The following BRINP1 variants were observed in gnomAD, a reference collection of about 807,000 sequenced individuals.
BRINP1 encodes BMP/retinoic acid inducible neural specific 1.
In BRINP1, 17 loss-of-function variants were observed where a neutral mutation model predicts 72.9. The observed-to-expected ratio is 0.23, with a 90% CI of 0.16 to 0.35. BRINP1 has a LOEUF of 0.35. Ranked by LOEUF, BRINP1 falls within the 10% of genes least tolerant of loss-of-function variation. BRINP1 has a pLI of 1.00. For missense variants in BRINP1, 850 were observed against 1,001.6 expected (o/e 0.85, Z 2.04); for synonymous variants, 418 against 378.5 (o/e 1.10, Z -1.21).
At chr9:119,172,699 T>C (rs1829430169) in intron 7 of BRINP1, among the ~76,000 whole-genome samples, 1 of 151,800 alleles carries the variant, frequency 6.6e-6, no homozygotes, top group Admixed American at 6.6e-5. Context: ...TTTAGACCAA[T>C]ATCCTTGATG....
intron 7 of BRINP1, among the ~76,000 whole-genome samples, chr9:119,202,976 T>C (rs556512237): frequency 6.6e-6 from 1 of 152,296 alleles, no homozygotes; most frequent in East Asian, 1.9e-4. Flanking sequence ...CATGTCTTTC[T>C]GGGTTTCTGC....
intron 2 of BRINP1, among the ~76,000 whole-genome samples, chr9:119,308,425 G>A (rs1831021443): frequency 6.6e-6 from 1 of 152,150 alleles, no homozygotes; most frequent in Non-Finnish European, 1.5e-5. Context: ...TTGAGGGCAG[G>A]AATCCTGTTC....
At chr9:119,182,846 T>G (rs1314613536) in intron 7 of BRINP1, among the ~76,000 whole-genome samples, 1 of 151,968 alleles carries the variant, frequency 6.6e-6, no homozygotes, top group East Asian at 1.9e-4. Context: ...AAAGGGAAAA[T>G]AGGCAAATGA....
chr9:119,285,324 G>A (rs992971113), intron 2 of BRINP1, among the ~76,000 whole-genome samples: 2 of 152,188 alleles, frequency 1.3e-5, no homozygotes, highest in African/African-American at 4.8e-5. Flanking sequence ...ACATTCGAAC[G>A]GGATGGCAGA....
At position 119,313,319 on chromosome 9, in the gene BRINP1, A is replaced by G; in HGVS notation, c.37T>C (p.Phe13Leu). The G allele has an allele frequency of 6.2e-7, 1 of 1,614,010 alleles. No homozygotes were observed. The highest frequency in any genetic ancestry group is 8.5e-7 in the Non-Finnish European group (1 of 1,180,010). ...WRFVELLYFL[F>L]IWGRISVQPS... ...TGCACTGAGATACGGCCCCATATAA[A>G]CAGGAAGTAGAGGAGCTCAACAAAC... Residue 13 changes from phenylalanine to leucine, a missense_variant, in exon 2 of 8, where the codon TTT (phenylalanine) becomes CTT (leucine). Physicochemically the swap from Phe to Leu is conservative, Grantham distance 22. Transcript: ENST00000265922.
At chr9:119,363,146 C>G (rs1831653097) in intron 1 of BRINP1, among the ~76,000 whole-genome samples, 1 of 152,178 alleles carries the variant, frequency 6.6e-6, no homozygotes, top group South Asian at 2.1e-4. Context: ...GCTGCTTGCT[C>G]AGCTGTAGTA....
At chr9:119,255,971 A>C (rs1009837041) in intron 2 of BRINP1, among the ~76,000 whole-genome samples, 3 of 151,062 alleles carry the variant, frequency 2.0e-5, no homozygotes, top group African/African-American at 2.4e-5. Flanking sequence ...AAAAAAAAAA[A>C]AAAAAAAAAA....
chr9:119,350,120 G>A (rs973106455), intron 1 of BRINP1, among the ~76,000 whole-genome samples: 4 of 152,152 alleles, frequency 2.6e-5, no homozygotes, highest in Non-Finnish European at 4.4e-5. Flanking sequence ...GGACTTTGAA[G>A]GCTGGAATCC....
At chr9:119,272,890 G>A (rs537460839) in intron 2 of BRINP1, among the ~76,000 whole-genome samples, 2 of 152,142 alleles carry the variant, frequency 1.3e-5, no homozygotes, top group African/African-American at 2.4e-5. Context: ...GTCTTGTGTA[G>A]GTCCTTGTCC....
intron 5 of BRINP1, among the ~76,000 whole-genome samples, chr9:119,231,849 T>A (rs548770775): frequency 6.6e-6 from 1 of 152,206 alleles, no homozygotes; most frequent in South Asian, 2.1e-4. Flanking sequence ...AATTTCTCCA[T>A]GGCACAATAA....
At chr9:119,235,489 C>T (rs759185160) in intron 5 of BRINP1, among the ~76,000 whole-genome samples, 4 of 152,256 alleles carry the variant, frequency 2.6e-5, no homozygotes, top group South Asian at 2.1e-4. Context: ...CTCCCTGGTA[C>T]GTTAAGTCCC....
chr9:119,240,307 G>A (rs751212375), intron 4 of BRINP1, among the ~76,000 whole-genome samples: 34 of 152,078 alleles, frequency 2.2e-4, no homozygotes, highest in Non-Finnish European at 4.6e-4. Context: ...ACCCAATAGT[G>A]AGACAAGTTT....
At position 119,195,669 on chromosome 9, in the gene BRINP1, C is replaced by T. The variant is rs536460643; in HGVS notation, c.1145+13050G>A. Among the ~76,000 whole-genome samples the T allele has an allele frequency of 2.6e-5, 4 of 152,364 alleles. No homozygotes were observed. In the East Asian group the frequency reaches 7.7e-4, roughly 29 times the overall value. On this transcript the variant is annotated intron_variant, in intron 7 of 7. Transcript: ENST00000265922. ...GAGCACCTTCCTGCTGTTACTTCTG[C>T]AGCTGCTGGTTAGCAGTCGTGCCAC...
At chr9:119,336,104 T>C (rs1299660501) in intron 1 of BRINP1, among the ~76,000 whole-genome samples, 1 of 152,180 alleles carries the variant, frequency 6.6e-6, no homozygotes, top group Non-Finnish European at 1.5e-5. Context: ...AGGTATAGAT[T>C]GAAAAGAAAA....
At chr9:119,367,932 G>A (rs1046593115) in intron 1 of BRINP1, among the ~76,000 whole-genome samples, 1 of 152,096 alleles carries the variant, frequency 6.6e-6, no homozygotes, top group East Asian at 1.9e-4. Flanking sequence ...GCATATTTAG[G>A]GAGAGACTCT....
chr9:119,345,747 C>T (rs1449949812), intron 1 of BRINP1, among the ~76,000 whole-genome samples: 1 of 152,204 alleles, frequency 6.6e-6, no homozygotes, highest in African/African-American at 2.4e-5. Flanking sequence ...TCAACGTGGA[C>T]TCCCTACTAC....
intron 7 of BRINP1, among the ~76,000 whole-genome samples, chr9:119,175,449 A>G (rs1474858229): frequency 6.6e-6 from 1 of 152,036 alleles, no homozygotes; most frequent in African/African-American, 2.4e-5. Flanking sequence ...GCAGCAAACC[A>G]CCATAGCACA....
chr9:119,202,822 C>T (rs1193557046), intron 7 of BRINP1, among the ~76,000 whole-genome samples: 1 of 152,156 alleles, frequency 6.6e-6, no homozygotes, highest in African/African-American at 2.4e-5. Flanking sequence ...TTGTTGCTGT[C>T]CTCTCAACAA....
chr9:119,233,052 G>C (rs1830162529), intron 5 of BRINP1, among the ~76,000 whole-genome samples: 1 of 143,060 alleles, frequency 7.0e-6, no homozygotes, highest in South Asian at 2.2e-4. Context: ...CTTTACGTTT[G>C]CCTTGTTTTA....
Sources: gnomAD v4.1 joint callset for allele counts (sites outside exome capture counted in the v4.1 genomes callset) on GRCh38, gnomAD v4.1.1 for gene constraint, MANE v1.5 for transcripts, NCBI Gene and HGNC (gene_info 2026-07-23, HGNC 2026-07-21) for gene names.